RABGAP1L: variants seen among roughly 807,000 people sequenced by gnomAD.
RABGAP1L encodes the protein rab GTPase-activating protein 1-like.
In RABGAP1L, 63 loss-of-function variants were observed where a neutral mutation model predicts 137.7. That is an observed-to-expected ratio of 0.46 (90% CI 0.37 to 0.56). RABGAP1L has a LOEUF of 0.56. Among genes scored for constraint, RABGAP1L ranks in the 20% least tolerant of loss-of-function variants. The probability of loss-of-function intolerance (pLI) is 0.00; values close to 1 mark genes in which losing one functional copy is unlikely to be tolerated. For missense variants in RABGAP1L, 1,095 were observed against 1,244.0 expected (o/e 0.88, Z 1.80); for synonymous variants, 431 against 433.7 (o/e 0.99, Z 0.08).
intron 17 of RABGAP1L, among the ~76,000 whole-genome samples, chr1:174,704,513 T>TA (rs1679905796): frequency 6.6e-6 from 1 of 152,256 alleles, no homozygotes; most frequent in African/African-American, 2.4e-5. Flanking sequence ...TTTGTAAGCA[T>TA]GTAAGAGTTT....
At chr1:174,856,233 A>C (rs946968306) in intron 19 of RABGAP1L, among the ~76,000 whole-genome samples, 1 of 152,074 alleles carries the variant, frequency 6.6e-6, no homozygotes, top group African/African-American at 2.4e-5. Flanking sequence ...CATCTCTACT[A>C]AAACTACAAA....
At chr1:174,341,784 G>A (rs1681995537) in intron 11 of RABGAP1L, among the ~76,000 whole-genome samples, 1 of 152,088 alleles carries the variant, frequency 6.6e-6, no homozygotes. Flanking sequence ...TTTGCTTAAT[G>A]AAATGTGTTT....
intron 11 of RABGAP1L, among the ~76,000 whole-genome samples, chr1:174,311,198 T>G (rs1367400010): frequency 1.3e-5 from 2 of 152,042 alleles, no homozygotes; most frequent in Non-Finnish European, 2.9e-5. Flanking sequence ...CTCAGGAAAT[T>G]TACAATCATG....
chr1:174,990,249 T>C lies in RABGAP1L; in HGVS notation c.*248T>C. ...TCAGATCCATCATAGTATTACACAT[T>C]ATTTTGTTTGCCTGATGTTTAGTTG... On this transcript the variant is annotated 3_prime_UTR_variant, in exon 26 of 26. Coordinates refer to ENST00000681986, the MANE Select transcript of RABGAP1L (RefSeq NM_001366446.1). The C allele has an allele frequency of 2.8e-6, 1 of 357,284 alleles. No individual in the cohort carries two copies. Among genetic ancestry groups the C allele is most frequent in the African/African-American group, 2.1e-5 (1 of 47,942 alleles). The allele number at this position is 357,284 out of a possible 1,614,324, so 22.1% of individuals were successfully genotyped here. A position where few individuals can be genotyped will look rare whatever the true frequency, so the allele number is the denominator to read the frequency against.
chr1:174,458,368 G>A (rs943957994), intron 13 of RABGAP1L, among the ~76,000 whole-genome samples: 3 of 151,606 alleles, frequency 2.0e-5, no homozygotes, highest in East Asian at 3.9e-4. Context: ...AAAAAAATTT[G>A]CTGATGCCTG....
At chr1:174,531,761 A>G (rs1664431276) in intron 13 of RABGAP1L, among the ~76,000 whole-genome samples, 2 of 148,626 alleles carry the variant, frequency 1.3e-5, no homozygotes, top group Non-Finnish European at 1.5e-5. Context: ...GGGGGGGGGA[A>G]GATATACCAA....
intron 13 of RABGAP1L, among the ~76,000 whole-genome samples, chr1:174,585,952 G>GGTTATTCCTT (rs1329646142): frequency 1.3e-5 from 2 of 152,142 alleles, no homozygotes; most frequent in African/African-American, 4.8e-5. Context: ...TAACCATTGT[G>GGTTATTCCTT]GAAGACAGTG....
At chr1:174,273,324 G>T (rs1248416986) in intron 8 of RABGAP1L, among the ~76,000 whole-genome samples, 1 of 151,920 alleles carries the variant, frequency 6.6e-6, no homozygotes, top group African/African-American at 2.4e-5. Context: ...GTACCTGTTT[G>T]TCTGCTAAGT....
chr1:174,440,632 G>C (rs987272247), intron 13 of RABGAP1L, among the ~76,000 whole-genome samples: 2 of 152,086 alleles, frequency 1.3e-5, no homozygotes, highest in African/African-American at 4.8e-5. Flanking sequence ...GGAGTGCACG[G>C]TGGCGTGATC....
intron 13 of RABGAP1L, among the ~76,000 whole-genome samples, chr1:174,582,802 C>CT (rs1668841739): frequency 6.6e-6 from 1 of 152,122 alleles, no homozygotes; most frequent in South Asian, 2.1e-4. Context: ...TTCCCTAATC[C>CT]TTTTATGCCT....
intron 19 of RABGAP1L, among the ~76,000 whole-genome samples, chr1:174,909,373 G>A (rs1319239703): frequency 2.0e-5 from 3 of 152,082 alleles, no homozygotes; most frequent in Non-Finnish European, 4.4e-5. Context: ...ATAGGTATGT[G>A]CCACCATACA....
chr1:174,627,926 T>C (rs996028211), intron 13 of RABGAP1L, among the ~76,000 whole-genome samples: 3 of 152,168 alleles, frequency 2.0e-5, no homozygotes, highest in Admixed American at 6.5e-5. Flanking sequence ...AGGCATATAC[T>C]TGTGATAGTG....
At chr1:174,649,640 T>C (rs1675290587) in intron 14 of RABGAP1L, among the ~76,000 whole-genome samples, 1 of 152,138 alleles carries the variant, frequency 6.6e-6, no homozygotes, top group Non-Finnish European at 1.5e-5. Flanking sequence ...TCTGTTTGTC[T>C]GTTATTGGTG....
At chr1:174,449,053 T>C (rs1209611865) in intron 13 of RABGAP1L, 1 of 1,614,080 alleles carries the variant, frequency 6.2e-7, no homozygotes. Flanking sequence ...TTTGTAACTG[T>C]GTAATATACA....
chr1:174,711,746 G>C (rs558464837), intron 17 of RABGAP1L, among the ~76,000 whole-genome samples: 2 of 152,340 alleles, frequency 1.3e-5, no homozygotes, highest in African/African-American at 4.8e-5. Flanking sequence ...CCCCTACTCC[G>C]GGGGCCTGGT....
intron 17 of RABGAP1L, among the ~76,000 whole-genome samples, chr1:174,748,857 A>C (rs576675139): frequency 6.6e-6 from 1 of 152,126 alleles, no homozygotes; most frequent in South Asian, 2.1e-4. Context: ...TCTGGGTGAC[A>C]GAACGAGACT....
intron 13 of RABGAP1L, among the ~76,000 whole-genome samples, chr1:174,597,729 T>G (rs1293619128): frequency 6.6e-6 from 1 of 152,200 alleles, no homozygotes; most frequent in African/African-American, 2.4e-5. Context: ...CCAATTTCAT[T>G]TATTTCTGCT....
chr1:174,395,859 A>G (rs1353313848), intron 13 of RABGAP1L, among the ~76,000 whole-genome samples: 1 of 151,674 alleles, frequency 6.6e-6, no homozygotes, highest in Non-Finnish European at 1.5e-5. Flanking sequence ...AAAAAAAGAA[A>G]GAATACCTAG....
chr1:174,256,720 G>T (rs1286239585), intron 7 of RABGAP1L, among the ~76,000 whole-genome samples: 1 of 152,288 alleles, frequency 6.6e-6, no homozygotes, highest in African/African-American at 2.4e-5. Flanking sequence ...AGTGGTGGTC[G>T]CAGTGAGCCA....
Sources: allele counts gnomAD v4.1 joint callset (sites outside exome capture counted in the v4.1 genomes callset), GRCh38; gene constraint gnomAD v4.1.1; transcripts MANE v1.5; gene names NCBI Gene and HGNC (gene_info 2026-07-23, HGNC 2026-07-21).